Variants in ACOX3 observed in about 807,000 individuals in gnomAD.
ACOX3 encodes the protein acyl-CoA oxidase 3, pristanoyl.
A neutral mutation model predicts 81.5 loss-of-function variants in ACOX3; 73 were observed. The observed-to-expected ratio is 0.90, with a 90% CI of 0.74 to 1.09. ACOX3 has a LOEUF of 1.09. ACOX3 is among the 50% of genes least tolerant of loss of function. The probability of loss-of-function intolerance (pLI) is 0.00; values close to 1 mark genes in which losing one functional copy is unlikely to be tolerated. For synonymous variants in ACOX3, 387 were observed against 375.1 expected (o/e 1.03, Z -0.37); for missense variants, 947 against 928.0 (o/e 1.02, Z -0.27).
At position 8,394,676 on chromosome 4, in the gene ACOX3, G is replaced by A; in HGVS notation, c.1123C>T (p.Leu375=). 1 of 1,613,918 alleles carries A rather than the reference G, an allele frequency of 6.2e-7. No individual in the cohort carries two copies. Residue 375 remains leucine, a synonymous_variant, in exon 10 of 18, where the codon CTG becomes TTG. Coordinates refer to ENST00000356406, the MANE Select transcript of ACOX3 (RefSeq NM_003501.3). This position sits in a 1 kb window ranked among gnomAD's most constrained non-coding sequence, Gnocchi z 5.9. ...ALDHFSKSLF[L]DLVELQRGLA... is the part of the protein sequence containing the mutation. ...CCTCGCTGGAGCTCCACCAGGTCCAGGAAGAGCGACTTGGAGAAATGGTCT... is the reference window on the plus strand; with the variant it reads ...CCTCGCTGGAGCTCCACCAGGTCCAAGAAGAGCGACTTGGAGAAATGGTCT...
At chr4:8,374,497 C>A (rs932432202) in intron 15 of ACOX3, 10 of 154,684 alleles carry the variant, frequency 6.5e-5, no homozygotes, top group Admixed American at 3.9e-4. Flanking sequence ...TTGGGAAAAA[C>A]CACCTAAAAA....
Position 8,389,568 on chromosome 4 carries a change from C to A in ACOX3, c.1423+44G>T. ...AGGCCAGGAGAACCCACCCCTGCCC[C>A]AGTTGGGTTCCAGCGCCCCCACCAG... On this transcript the variant is annotated intron_variant, in intron 12 of 17. Coordinates refer to ENST00000356406, the MANE Select transcript of ACOX3 (RefSeq NM_003501.3). The surrounding 1 kb of genome is among the most constrained non-coding windows in gnomAD (Gnocchi z 5.3). 6.2e-7 allele frequency: 1 copy of A among 1,611,774 alleles called. No homozygotes were observed.
chr4:8,404,112 G>T (rs1720662706), intron 7 of ACOX3, among the ~76,000 whole-genome samples: 1 of 152,240 alleles, frequency 6.6e-6, no homozygotes, highest in Non-Finnish European at 1.5e-5. Context: ...CCTGAGGCCA[G>T]AGCCATCCTT....
At position 8,399,920 on chromosome 4, in the gene ACOX3, T is replaced by C. The variant is rs1161404581; in HGVS notation, c.777-268A>G. Among the ~76,000 whole-genome samples the C allele has an allele frequency of 1.3e-5, 2 of 152,026 alleles. No homozygotes were observed. The highest frequency in any genetic ancestry group is 2.9e-5 in the Non-Finnish European group (2 of 68,004). ...TTTGAGACCAGCCTGGGCAACACAG[T>C]GAGACCCTGTTTCTAAAAAAGAAAA... On this transcript the variant is annotated intron_variant, in intron 7 of 17. Coordinates refer to ENST00000356406, the MANE Select transcript of ACOX3 (RefSeq NM_003501.3). This position sits in a 1 kb window ranked among gnomAD's most constrained non-coding sequence, Gnocchi z 4.9.
At position 8,385,376 on chromosome 4, in the gene ACOX3, C is replaced by T. The variant is rs1335186766; in HGVS notation, c.1538-3769G>A. Among the ~76,000 whole-genome samples the T allele has an allele frequency of 6.6e-6, 1 of 152,160 alleles. No individual in the cohort carries two copies. Among genetic ancestry groups the T allele is most frequent in the East Asian group, 1.9e-4 (1 of 5,194 alleles). On this transcript the variant is annotated intron_variant, in intron 13 of 17. Coordinates refer to ENST00000356406, the MANE Select transcript of ACOX3 (RefSeq NM_003501.3). This position sits in a 1 kb window ranked among gnomAD's most constrained non-coding sequence, Gnocchi z 5.5. ...CTGTGCACTCCACGTGACCTCACCA[C>T]TCACCCCATGTGACCCCACTGCTCA...
At chr4:8,395,922 G>C (rs1440564707) in intron 9 of ACOX3, among the ~76,000 whole-genome samples, 1 of 152,232 alleles carries the variant, frequency 6.6e-6, no homozygotes, top group Non-Finnish European at 1.5e-5. Context: ...ACCTGGGCCT[G>C]AGTTAGCCTG....
chr4:8,364,857 G>A (rs1715326949), downstream of ACOX3, among the ~76,000 whole-genome samples: 1 of 152,202 alleles, frequency 6.6e-6, no homozygotes, highest in African/African-American at 2.4e-5. The surrounding 1 kb of genome is among the most constrained non-coding windows in gnomAD (Gnocchi z 5.0). Flanking sequence ...GATGCCCAAA[G>A]CTGTTACTTG....
In ACOX3 at chr4:8,413,730, G is replaced by A. The variant is rs1333581762; in HGVS notation, c.543+562C>T. ...CCCCTCCACAGCACTGACAGCCCCA[G>A]GGCATCCATCTGTGGCCCGTCTCAC... On this transcript the variant is annotated intron_variant, in intron 5 of 17. Transcript: ENST00000356406. Among the ~76,000 whole-genome samples, 3 of 152,030 alleles carry A rather than the reference G, an allele frequency of 2.0e-5. No homozygotes were observed. The East Asian group carries it at 5.8e-4, about 29-fold the overall frequency.
At chr4:8,395,755 G>C (rs1373653920) in intron 9 of ACOX3, among the ~76,000 whole-genome samples, 2 of 152,234 alleles carry the variant, frequency 1.3e-5, no homozygotes. Context: ...ACCACACACG[G>C]GAGGGGATGG....
intron 1 of ACOX3, chr4:8,438,735 A>T (rs1224644671): frequency 6.6e-6 from 1 of 152,250 alleles, no homozygotes; most frequent in African/African-American, 2.4e-5. Flanking sequence ...GATGGGCCTT[A>T]TACTGTAATC....
chr4:8,381,332 G>C lies in ACOX3; in HGVS notation c.1653+160C>G, dbSNP rs1031612922. On this transcript the variant is annotated intron_variant, in intron 14 of 17. Transcript: ENST00000356406. This position sits in a 1 kb window ranked among gnomAD's most constrained non-coding sequence, Gnocchi z 4.3. The stretch of plus-strand genomic sequence containing the variant: ...GTGCTGCCATCCCTGTGTTACAGAG[G>C]AGCTGAGCAAGCAGCAAAGTCATCA... Among the ~76,000 whole-genome samples, 3 of 152,202 alleles carry C rather than the reference G, an allele frequency of 2.0e-5. No homozygotes were observed. The highest frequency in any genetic ancestry group is 4.4e-5 in the Non-Finnish European group (3 of 68,038).
chr4:8,414,869 C>A lies in ACOX3; in HGVS notation c.438G>T (p.Lys146Asn), dbSNP rs1722149474. 1.2e-6 allele frequency: 2 copies of A among 1,614,086 alleles called. No individual in the cohort carries two copies. Among genetic ancestry groups the A allele is most frequent in the African/African-American group, 2.7e-5 (2 of 74,934 alleles). The change falls in exon 4 of 18, where the codon AAG (lysine) becomes AAT (asparagine). Residue 146 changes from lysine (K) to asparagine (N), a missense_variant. Lys to Asn is a moderately conservative substitution (Grantham distance 94). Coordinates refer to ENST00000356406, the MANE Select transcript of ACOX3 (RefSeq NM_003501.3). This position sits in a 1 kb window ranked among gnomAD's most constrained non-coding sequence, Gnocchi z 6.1. ...GSERHLTYIQKIFRMEIFGCF... is the reference protein window; with the variant it reads ...GSERHLTYIQNIFRMEIFGCF... ...CAGAACTTACCTCCATCCTGAAGAT[C>A]TTTTGAATATATGTGAGATGTCTTT... is the stretch of plus-strand genomic sequence containing the variant.
chr4:8,415,621 TA>T (rs199642053), intron 3 of ACOX3, 144 bp downstream of exon 3: 49 of 685,566 alleles, frequency 7.1e-5, no homozygotes, highest in Non-Finnish European at 9.3e-5. Flanking sequence ...TTAAAAACAT[TA>T]AAAAAAAGAT....
At chr4:8,435,791 G>A (rs1327665523) in intron 1 of ACOX3, among the ~76,000 whole-genome samples, 2 of 152,192 alleles carry the variant, frequency 1.3e-5, no homozygotes, top group Non-Finnish European at 2.9e-5. Context: ...AAGAGCAAGA[G>A]AAGCCAGTTT....
In ACOX3 at chr4:8,382,036, G is replaced by A. The variant is rs1251668360; in HGVS notation, c.1538-429C>T. Among the ~76,000 whole-genome samples the A allele has an allele frequency of 6.6e-6, 1 of 152,210 alleles. No homozygotes were observed. Among genetic ancestry groups the A allele is most frequent in the East Asian group, 1.9e-4 (1 of 5,188 alleles). On this transcript the variant is annotated intron_variant, in intron 13 of 17. Transcript: ENST00000356406. The surrounding 1 kb of genome is among the most constrained non-coding windows in gnomAD (Gnocchi z 4.1). ...CAACTGGCCGGCGGTGGCGCCCAGT[G>A]GCGAGAGGAAGGGGTGCTTCCGTTC...
At chr4:8,364,377 A>G (rs1340398515), downstream of ACOX3, among the ~76,000 whole-genome samples, 1 of 152,256 alleles carries the variant, frequency 6.6e-6, no homozygotes, top group Non-Finnish European at 1.5e-5. This position sits in a 1 kb window ranked among gnomAD's most constrained non-coding sequence, Gnocchi z 5.0. Flanking sequence ...CACTGCCAGT[A>G]AAGTGTGCCA....
chr4:8,373,474 C>A (rs900596298), intron 16 of ACOX3, 87 bp downstream of exon 16: 1 of 1,404,766 alleles, frequency 7.1e-7, no homozygotes, highest in Admixed American at 1.9e-5. Context: ...CGGTGCGTGT[C>A]GGTCTGGGTG....
At chr4:8,358,567 A>G in the ACOX3 span, among the ~76,000 whole-genome samples, 1 of 152,226 alleles carries the variant, frequency 6.6e-6, no homozygotes, top group African/African-American at 2.4e-5. Flanking sequence ...TCTAAGTCAC[A>G]GGATGAGATA....
chr4:8,425,732 C>G lies in ACOX3; in HGVS notation c.-14-9197G>C, dbSNP rs181299231. 9.9e-5 allele frequency among the ~76,000 whole-genome samples: 15 copies of G among 151,292 alleles called. No homozygotes were observed. The East Asian group carries it at 2.7e-3, about 27-fold the overall frequency. ...GATACTTTCACTGGTTGGGAGGAGG[C>G]CTTTCCTTGTAGGACAGAAAAGGCC... On this transcript the variant is annotated intron_variant, in intron 1 of 17. Coordinates refer to ENST00000356406, the MANE Select transcript of ACOX3 (RefSeq NM_003501.3).
Sources: gnomAD v4.1 joint callset for allele counts (sites outside exome capture counted in the v4.1 genomes callset) on GRCh38, gnomAD v4.1.1 for gene constraint, Gnocchi (gnomAD v3.1) non-coding constraint, MANE v1.5 for transcripts, NCBI Gene and HGNC (gene_info 2026-07-23, HGNC 2026-07-21) for gene names.